The following PRKN variants were observed in gnomAD, a reference collection of about 807,000 sequenced individuals.
PRKN encodes E3 ubiquitin-protein ligase parkin.
Under a neutral mutation model 59.5 loss-of-function variants are expected in PRKN, and 56 were observed. The observed-to-expected ratio is 0.94, with a 90% confidence interval of 0.76 to 1.18. The LOEUF (loss-of-function observed/expected upper bound fraction) is 1.18, where lower values mean the gene tolerates loss of function less well. Among genes scored for constraint, PRKN ranks in the 50% most tolerant of loss-of-function variants. PRKN has a pLI of 0.00. For synonymous variants in PRKN, 250 were observed against 222.1 expected, an observed-to-expected ratio of 1.13 and a Z score of -1.12; for missense variants, 657 against 596.4, an observed-to-expected ratio of 1.10 and a Z score of -1.06.
chr6:162,336,514 C>T (rs957209203), intron 2 of PRKN, among the ~76,000 whole-genome samples: 1 of 152,124 alleles, frequency 6.6e-6, no homozygotes, highest in African/African-American at 2.4e-5. Flanking sequence ...ATTCTCTGCA[C>T]AAGGAAGGAA....
Position 161,451,463 on chromosome 6 carries a change from C to T in PRKN, c.1084-64586G>A, listed in dbSNP as rs114382073. ...GTCACTACACTTCCATCAACAGACT[C>T]CATCAACAGGAGGCAACGCAGCCTC... On this transcript the variant is annotated intron_variant, in intron 9 of 11. Transcript: ENST00000366898. This position sits in a 1 kb window ranked among gnomAD's most constrained non-coding sequence, Gnocchi z 5.9. 1.4e-3 allele frequency among the ~76,000 whole-genome samples: 212 copies of T among 152,266 alleles called. No homozygotes were observed. The highest frequency in any genetic ancestry group is 4.8e-3 in the African/African-American group (200 of 41,534).
intron 4 of PRKN, among the ~76,000 whole-genome samples, chr6:162,135,136 T>G (rs1781516818): frequency 6.6e-6 from 1 of 152,058 alleles, no homozygotes; most frequent in Non-Finnish European, 1.5e-5. Flanking sequence ...TTAGTTTTGT[T>G]GTTGTTGTTT....
intron 7 of PRKN, among the ~76,000 whole-genome samples, chr6:161,658,143 CATGA>C (rs1249636855): frequency 6.6e-6 from 1 of 151,864 alleles, no homozygotes; most frequent in Non-Finnish European, 1.5e-5. Flanking sequence ...ATTTACCTTG[CATGA>C]TAAGCTCCAC....
intron 1 of PRKN, among the ~76,000 whole-genome samples, chr6:162,465,941 T>A (rs983413433): frequency 2.0e-5 from 3 of 152,182 alleles, no homozygotes; most frequent in African/African-American, 7.2e-5. Context: ...TATATCTTAA[T>A]GTATTTTTGT....
chr6:162,222,748 G>A (rs1022745041), intron 3 of PRKN, among the ~76,000 whole-genome samples: 17 of 152,070 alleles, frequency 1.1e-4, no homozygotes, highest in African/African-American at 3.6e-4. Flanking sequence ...AATGGGTGTC[G>A]TTTAAAGCCA....
chr6:161,867,759 T>G (rs902121499), intron 6 of PRKN, among the ~76,000 whole-genome samples: 65 of 150,122 alleles, frequency 4.3e-4, no homozygotes, highest in African/African-American at 1.6e-3. Flanking sequence ...ATTTATTTAT[T>G]TATTTATTTA....
intron 5 of PRKN, among the ~76,000 whole-genome samples, chr6:162,004,635 G>A: frequency 6.6e-6 from 1 of 152,166 alleles, no homozygotes; most frequent in East Asian, 1.9e-4. Flanking sequence ...AAAGTTTTCT[G>A]AAGATGTCTG....
rs575104811 is a variant in PRKN, at chr6:161,683,501, A to G, written c.871+102271T>C. Among the ~76,000 whole-genome samples the G allele has an allele frequency of 6.6e-5, 10 of 152,268 alleles. No individual in the cohort carries two copies. In the South Asian group the frequency reaches 1.7e-3, roughly 25 times the overall value. The stretch of plus-strand genomic sequence containing the variant: ...GGAAGACCATTGCCTCTTTCTCTCA[A>G]TCCCTTTCCTCTCCCCTCAGCTCAG... On this transcript the variant is annotated intron_variant, in intron 7 of 11. Coordinates refer to ENST00000366898, the MANE Select transcript of PRKN (RefSeq NM_004562.3).
intron 9 of PRKN, among the ~76,000 whole-genome samples, chr6:161,392,771 T>TAAA (rs5881403): frequency 1.3e-5 from 2 of 148,988 alleles, no homozygotes; most frequent in Admixed American, 6.7e-5. Flanking sequence ...AGGTATAGAA[T>TAAA]AAAAAAAAAA....
intron 2 of PRKN, among the ~76,000 whole-genome samples, chr6:162,373,855 G>C (rs1372864720): frequency 6.6e-6 from 1 of 152,144 alleles, no homozygotes; most frequent in African/African-American, 2.4e-5. Context: ...AATAGGTTTA[G>C]AGAGACTAGT....
At chr6:162,561,033 G>C (rs1779817282) in intron 1 of PRKN, among the ~76,000 whole-genome samples, 1 of 152,074 alleles carries the variant, frequency 6.6e-6, no homozygotes, top group African/African-American at 2.4e-5. Context: ...GACTGAGGAA[G>C]GAAAGACGAT....
intron 2 of PRKN, among the ~76,000 whole-genome samples, chr6:162,285,222 A>G (rs1178530796): frequency 1.3e-5 from 2 of 149,742 alleles, no homozygotes; most frequent in Non-Finnish European, 3.0e-5. Flanking sequence ...CTCGAATTCT[A>G]TAGCAGCAGG....
chr6:162,646,962 TAAGA>T (rs1425468368), intron 1 of PRKN, among the ~76,000 whole-genome samples: 1 of 152,206 alleles, frequency 6.6e-6, no homozygotes, highest in East Asian at 1.9e-4. Context: ...GATTGTATTA[TAAGA>T]AAGAAAACAA....
intron 2 of PRKN, among the ~76,000 whole-genome samples, chr6:162,390,396 T>TATATATATATATATATATACACACACAC (rs1180636201): frequency 1.8e-4 from 15 of 84,108 alleles, no homozygotes; most frequent in African/African-American, 5.9e-4. Flanking sequence ...TATATATATA[T>TATATATATATATATATATACACACACAC]ACACACACAC....
At chr6:162,590,687 G>A (rs532430830) in intron 1 of PRKN, among the ~76,000 whole-genome samples, 25 of 152,186 alleles carry the variant, frequency 1.6e-4, no homozygotes, top group South Asian at 6.2e-4. Context: ...AATGAAACCC[G>A]TAAGAAACAC....
At chr6:161,974,418 C>G (rs1436823487) in intron 5 of PRKN, among the ~76,000 whole-genome samples, 1 of 152,202 alleles carries the variant, frequency 6.6e-6, no homozygotes, top group Non-Finnish European at 1.5e-5. Context: ...GTTCCTTTCC[C>G]CAGCCAGGTC....
chr6:162,065,469 T>G lies in PRKN; in HGVS notation c.535-11295A>C, dbSNP rs75178320. Reference sequence around the variant, plus strand: ...TGCCTACCCACATTGAGGATGGGTCTTCTTCACCCAGTCCACTGACTCGAA... The same window carrying G: ...TGCCTACCCACATTGAGGATGGGTCGTCTTCACCCAGTCCACTGACTCGAA... On this transcript the variant is annotated intron_variant, in intron 4 of 11. Coordinates refer to ENST00000366898, the MANE Select transcript of PRKN (RefSeq NM_004562.3). 1.2e-4 allele frequency among the ~76,000 whole-genome samples: 19 copies of G among 152,308 alleles called. No homozygotes were observed. In the East Asian group the frequency reaches 3.7e-3, roughly 29 times the overall value.
chr6:162,260,963 G>A (rs1343814428), intron 3 of PRKN, among the ~76,000 whole-genome samples: 1 of 152,106 alleles, frequency 6.6e-6, no homozygotes, highest in East Asian at 1.9e-4. Flanking sequence ...CGTACACTGG[G>A]GGATTTGAAA....
intron 1 of PRKN, among the ~76,000 whole-genome samples, chr6:162,559,748 C>G (rs1779759956): frequency 6.6e-6 from 1 of 152,198 alleles, no homozygotes; most frequent in Non-Finnish European, 1.5e-5. Context: ...CCACCTGTAC[C>G]TTAGCCTCTT....
Sources: allele counts gnomAD v4.1 joint callset (sites outside exome capture counted in the v4.1 genomes callset), GRCh38; gene constraint gnomAD v4.1.1; non-coding constraint Gnocchi (gnomAD v3.1); transcripts MANE v1.5; gene names NCBI Gene and HGNC (gene_info 2026-07-23, HGNC 2026-07-21).